The following NOS1AP variants were observed in gnomAD, a reference collection of about 807,000 sequenced individuals.
NOS1AP encodes carboxyl-terminal PDZ ligand of neuronal nitric oxide synthase protein.
In NOS1AP, 21 loss-of-function variants were observed where a neutral mutation model predicts 56.2. The observed-to-expected ratio is 0.37, with a 90% confidence interval of 0.26 to 0.54. The LOEUF (loss-of-function observed/expected upper bound fraction) is 0.54. Ranked by LOEUF, NOS1AP falls within the 20% of genes least tolerant of loss-of-function variation. The pLI, the probability that NOS1AP is intolerant of heterozygous loss-of-function variation, is 0.84. For missense variants in NOS1AP, 522 were observed against 657.8 expected, an observed-to-expected ratio of 0.79 and a Z score of 2.26; for synonymous variants, 270 against 274.6, an observed-to-expected ratio of 0.98 and a Z score of 0.17.
Position 162,318,429 on chromosome 1 carries a change from T to C in NOS1AP, c.345-14588T>C, listed in dbSNP as rs200990614. 1.6e-4 allele frequency among the ~76,000 whole-genome samples: 24 copies of C among 152,328 alleles called. 1 individual carries two copies. In the East Asian group the frequency reaches 4.4e-3, roughly 28 times the overall value. ...TGCAGAATCCCTGGCTCGCTTTCTG[T>C]CTGCATCTTATTCAGTCTCTGTGAA... On this transcript the variant is annotated intron_variant, in intron 4 of 9. Coordinates refer to ENST00000361897, the MANE Select transcript of NOS1AP (RefSeq NM_014697.3).
At chr1:162,342,996 G>T (rs904929271) in intron 5 of NOS1AP, among the ~76,000 whole-genome samples, 3 of 152,170 alleles carry the variant, frequency 2.0e-5, no homozygotes, top group Non-Finnish European at 4.4e-5. Context: ...TTCTGTCCTT[G>T]AAAGAAAGCA....
At chr1:162,140,088 C>T (rs1222958897) in intron 1 of NOS1AP, among the ~76,000 whole-genome samples, 3 of 152,204 alleles carry the variant, frequency 2.0e-5, no homozygotes, top group Non-Finnish European at 2.9e-5. Context: ...CTCAGCCTCC[C>T]ATAGTGCTGG....
At chr1:162,287,742 T>C (rs552147006) in intron 3 of NOS1AP, among the ~76,000 whole-genome samples, 114 of 151,634 alleles carry the variant, frequency 7.5e-4, no homozygotes, top group Non-Finnish European at 1.2e-4. Context: ...TGAGTCCTGA[T>C]GGTAGAAAAT....
chr1:162,099,956 A>G (rs1218769459), intron 1 of NOS1AP, among the ~76,000 whole-genome samples: 2 of 151,688 alleles, frequency 1.3e-5, no homozygotes, highest in Non-Finnish European at 1.5e-5. Context: ...TACAAAGGAC[A>G]TGAACTCATC....
chr1:162,087,373 C>A (rs976988570), intron 1 of NOS1AP, among the ~76,000 whole-genome samples: 2 of 152,026 alleles, frequency 1.3e-5, no homozygotes, highest in African/African-American at 4.8e-5. Flanking sequence ...GGGAGGCAGC[C>A]ACCTCCCCAT....
intron 2 of NOS1AP, among the ~76,000 whole-genome samples, chr1:162,238,007 T>C (rs1571151472): frequency 6.6e-6 from 1 of 152,144 alleles, no homozygotes; most frequent in Admixed American, 6.5e-5. Context: ...GTCGTGGTGG[T>C]GTGGCCCCAG....
intron 4 of NOS1AP, among the ~76,000 whole-genome samples, chr1:162,301,286 TG>T (rs1655645418): frequency 6.6e-6 from 1 of 152,062 alleles, no homozygotes; most frequent in African/African-American, 2.4e-5. Flanking sequence ...CCCTCATGTT[TG>T]GGATTAGTGA....
rs1320565336 is a variant in NOS1AP at position 162,221,532 on chromosome 1, GCGCACACACA to G, written c.178-65810_178-65801del. On this transcript the variant is annotated intron_variant, in intron 2 of 9. Coordinates refer to ENST00000361897, the MANE Select transcript of NOS1AP (RefSeq NM_014697.3). ...GCAACACACACACGCACACACACGCGCGCACACACACACACACACACACACACACACACAC... is the reference window on the plus strand; with the variant it reads ...GCAACACACACACGCACACACACGCGCACACACACACACACACACACACAC... Among the ~76,000 whole-genome samples the G allele has an allele frequency of 5.5e-3, 733 of 132,812 alleles. 9 individuals carry two copies. The highest frequency in any genetic ancestry group is 0.011 in the African/African-American group (351 of 30,548). The allele number at this position is 132,812 out of a possible 152,430, so 87.1% of individuals were successfully genotyped here. A position where few individuals can be genotyped will look rare whatever the true frequency, so the allele number is the denominator to read the frequency against.
At chr1:162,198,886 A>AT (rs745494563) in intron 2 of NOS1AP, among the ~76,000 whole-genome samples, 3 of 152,144 alleles carry the variant, frequency 2.0e-5, no homozygotes, top group Non-Finnish European at 2.9e-5. Flanking sequence ...GAGAGAGGAC[A>AT]TATTTCACCC....
chr1:162,283,585 C>T (rs1295480490), intron 2 of NOS1AP, among the ~76,000 whole-genome samples: 1 of 152,204 alleles, frequency 6.6e-6, no homozygotes, highest in Non-Finnish European at 1.5e-5. Flanking sequence ...TGAGTGTTCA[C>T]TCCTGGCTCC....
At chr1:162,198,040 G>A (rs1189895950) in intron 2 of NOS1AP, among the ~76,000 whole-genome samples, 2 of 152,232 alleles carry the variant, frequency 1.3e-5, no homozygotes, top group African/African-American at 2.4e-5. Context: ...TCATGGGCCC[G>A]GCCTGGCTGT....
intron 3 of NOS1AP, among the ~76,000 whole-genome samples, chr1:162,298,354 C>T (rs1023741616): frequency 2.0e-5 from 3 of 152,220 alleles, no homozygotes; most frequent in African/African-American, 7.2e-5. Flanking sequence ...GTCATGAAGC[C>T]ACTGACTATG....
chr1:162,199,135 T>C (rs577338038), intron 2 of NOS1AP, among the ~76,000 whole-genome samples: 8 of 152,314 alleles, frequency 5.3e-5, no homozygotes, highest in Admixed American at 3.9e-4. Context: ...ACCACAAATG[T>C]AACTTGCACT....
intron 9 of NOS1AP, 93 bp from the exon 10 acceptor site, chr1:162,366,959 C>A: frequency 6.8e-7 from 1 of 1,476,822 alleles, no homozygotes; most frequent in Non-Finnish European, 9.5e-7. Flanking sequence ...CTGGGAAGGG[C>A]TTTGGCAGGG....
intron 8 of NOS1AP, among the ~76,000 whole-genome samples, chr1:162,359,020 T>A (rs975666070): frequency 1.1e-4 from 17 of 152,206 alleles, no homozygotes; most frequent in African/African-American, 4.1e-4. Flanking sequence ...TGGTATAGAA[T>A]CAATTGTCAG....
At chr1:162,342,976 C>T (rs1395396051) in intron 5 of NOS1AP, among the ~76,000 whole-genome samples, 3 of 152,216 alleles carry the variant, frequency 2.0e-5, no homozygotes, top group African/African-American at 7.2e-5. Flanking sequence ...AAATAAACCA[C>T]ATCACTCATT....
intron 5 of NOS1AP, among the ~76,000 whole-genome samples, chr1:162,342,242 C>T (rs1657133393): frequency 6.6e-6 from 1 of 152,218 alleles, no homozygotes; most frequent in African/African-American, 2.4e-5. Flanking sequence ...TGGAGAATAT[C>T]TCTGGAGTTA....
At chr1:162,109,828 G>A (rs778337928) in intron 1 of NOS1AP, among the ~76,000 whole-genome samples, 15 of 151,740 alleles carry the variant, frequency 9.9e-5, no homozygotes, top group East Asian at 7.7e-4. Context: ...CCTTAAATTC[G>A]TGATCACAGA....
At chr1:162,294,489 G>A (rs923422677) in intron 3 of NOS1AP, among the ~76,000 whole-genome samples, 1 of 152,142 alleles carries the variant, frequency 6.6e-6, no homozygotes, top group Non-Finnish European at 1.5e-5. Flanking sequence ...TGTGACTGGA[G>A]GTCTGTGGTG....
Sources: allele counts gnomAD v4.1 joint callset (sites outside exome capture counted in the v4.1 genomes callset), GRCh38; gene constraint gnomAD v4.1.1; transcripts MANE v1.5; gene names NCBI Gene and HGNC (gene_info 2026-07-23, HGNC 2026-07-21).